The following TRAPPC10 variants were observed in gnomAD, a reference collection of about 807,000 sequenced individuals.
TRAPPC10 encodes the protein trafficking protein particle complex subunit 10.
In TRAPPC10, 23 loss-of-function variants were observed where a neutral mutation model predicts 125.5. That is an observed-to-expected ratio of 0.18 (90% CI 0.13 to 0.26). The LOEUF (loss-of-function observed/expected upper bound fraction) is 0.26, where lower values mean the gene tolerates loss of function less well. TRAPPC10 is among the 10% of genes least tolerant of loss of function. The probability of loss-of-function intolerance (pLI) is 1.00; values close to 1 mark genes in which losing one functional copy is unlikely to be tolerated. For missense variants in TRAPPC10, 1,123 were observed against 1,308.4 expected (o/e 0.86, Z 2.19); for synonymous variants, 509 against 518.0 (o/e 0.98, Z 0.24).
intron 10 of TRAPPC10, among the ~76,000 whole-genome samples, chr21:44,077,445 C>T (rs940947921): frequency 3.9e-5 from 6 of 152,054 alleles, no homozygotes; most frequent in Non-Finnish European, 8.8e-5. Flanking sequence ...AAAAATTAGC[C>T]GGGCCTGGTG....
At chr21:44,029,116 A>T (rs550455727) in intron 1 of TRAPPC10, among the ~76,000 whole-genome samples, 1 of 152,144 alleles carries the variant, frequency 6.6e-6, no homozygotes, top group South Asian at 2.1e-4. Flanking sequence ...TTTTTTTGAG[A>T]CGGAGTCTCG....
chr21:44,025,132 C>T (rs1045899576), intron 1 of TRAPPC10, among the ~76,000 whole-genome samples: 1 of 152,184 alleles, frequency 6.6e-6, no homozygotes, highest in South Asian at 2.1e-4. Context: ...GCCTTTCCGA[C>T]GGGCCTGTTG....
intron 20 of TRAPPC10, among the ~76,000 whole-genome samples, chr21:44,095,233 A>AT (rs555053162): frequency 2.0e-5 from 3 of 146,884 alleles, no homozygotes; most frequent in South Asian, 4.2e-4. Context: ...ATTTTATTTT[A>AT]TTTATTTATT....
chr21:44,083,120 G>C lies in TRAPPC10; in HGVS notation c.2056G>C (p.Asp686His). The C allele has an allele frequency of 1.2e-6, 2 of 1,614,184 alleles. No homozygotes were observed. Among genetic ancestry groups the C allele is most frequent in the Non-Finnish European group, 1.7e-6 (2 of 1,180,042 alleles). The change falls in exon 14 of 23, where the codon GAT (aspartate) becomes CAT (histidine). Residue 686 changes from aspartate to histidine, a missense_variant. By Grantham distance (81) the Asp-to-His change is moderately conservative. Transcript: ENST00000291574. Reference protein sequence around the residue: ...LYEMFERSPSDNSLNTTGIIC... With the variant: ...LYEMFERSPSHNSLNTTGIIC... ...TGAAATGTTTGAGAGAAGCCCATCTGATAACTCCTTGAACACGACTGGGAT... is the reference window on the plus strand; with the variant it reads ...TGAAATGTTTGAGAGAAGCCCATCTCATAACTCCTTGAACACGACTGGGAT...
chr21:44,028,858 T>A (rs1184463574), intron 1 of TRAPPC10, among the ~76,000 whole-genome samples: 1 of 152,106 alleles, frequency 6.6e-6, no homozygotes. Flanking sequence ...AACAAGCGAG[T>A]TCCTGCTGGG....
At chr21:44,089,427 C>T in intron 17 of TRAPPC10, 1 of 407,552 alleles carries the variant, frequency 2.5e-6, no homozygotes, top group South Asian at 1.7e-5. Flanking sequence ...GGAGTAGTTA[C>T]TGATTGGCTA....
chr21:44,048,935 ATAAT>A (rs1159064687), intron 3 of TRAPPC10, among the ~76,000 whole-genome samples: 1 of 151,900 alleles, frequency 6.6e-6, no homozygotes, highest in Non-Finnish European at 1.5e-5. Flanking sequence ...CATAGTATTA[ATAAT>A]TAATATCATT....
chr21:44,015,217 T>C (rs2031681861), intron 1 of TRAPPC10, among the ~76,000 whole-genome samples: 1 of 152,234 alleles, frequency 6.6e-6, no homozygotes, highest in Non-Finnish European at 1.5e-5. Context: ...GAATTTTTTT[T>C]CCATAGAATG....
chr21:44,084,044 C>G, intron 14 of TRAPPC10, 78 bp from the exon 15 acceptor site: 1 of 1,559,848 alleles, frequency 6.4e-7, no homozygotes, highest in Non-Finnish European at 8.7e-7. Flanking sequence ...TCAGAGAGAC[C>G]GCTGCACCGC....
intron 1 of TRAPPC10, among the ~76,000 whole-genome samples, chr21:44,022,276 ATTTTTTTT>A (rs58767563): frequency 6.4e-4 from 54 of 83,800 alleles, no homozygotes; most frequent in African/African-American, 1.5e-3. Context: ...GCCTGGCTAA[ATTTTTTTT>A]TTTTTTTTTT....
At chr21:44,042,971 C>T (rs1601630619) in intron 3 of TRAPPC10, among the ~76,000 whole-genome samples, 1 of 152,052 alleles carries the variant, frequency 6.6e-6, no homozygotes, top group African/African-American at 2.4e-5. Context: ...TATTGGGACC[C>T]GTATAGCTTC....
intron 2 of TRAPPC10, 146 bp downstream of exon 2, chr21:44,032,318 A>G (rs1267110096): frequency 1.7e-6 from 1 of 576,606 alleles, no homozygotes; most frequent in East Asian, 3.2e-5. Context: ...AAGAAACAGA[A>G]TGACCTCACA....
intron 18 of TRAPPC10, 41 bp downstream of exon 18, chr21:44,089,974 A>G: frequency 6.7e-7 from 1 of 1,498,802 alleles, no homozygotes. Flanking sequence ...TTCTTTCCCC[A>G]GACTCTTCTA....
intron 1 of TRAPPC10, among the ~76,000 whole-genome samples, chr21:44,020,954 G>T (rs909395400): frequency 6.6e-6 from 1 of 152,174 alleles, no homozygotes; most frequent in African/African-American, 2.4e-5. Flanking sequence ...CTTAGGGAAG[G>T]CAGACACCAT....
intron 2 of TRAPPC10, 60 bp from the exon 3 acceptor site, chr21:44,037,732 C>T: frequency 1.3e-6 from 2 of 1,564,412 alleles, no homozygotes; most frequent in East Asian, 2.2e-5. Context: ...GTTCTATTTC[C>T]CCTCTTCTGA....
chr21:44,049,989 C>T (rs996553628), intron 3 of TRAPPC10, among the ~76,000 whole-genome samples: 2 of 151,990 alleles, frequency 1.3e-5, no homozygotes, highest in African/African-American at 2.4e-5. Flanking sequence ...ATACAATTCT[C>T]CTGCCTCAGC....
intron 7 of TRAPPC10, among the ~76,000 whole-genome samples, chr21:44,064,549 G>A (rs1419335562): frequency 6.6e-6 from 1 of 152,114 alleles, no homozygotes; most frequent in African/African-American, 2.4e-5. Flanking sequence ...GAGGATTTGT[G>A]TACATCCCTG....
intron 6 of TRAPPC10, among the ~76,000 whole-genome samples, chr21:44,061,303 A>AT (rs1306732874): frequency 1.3e-5 from 2 of 150,874 alleles, no homozygotes; most frequent in Middle Eastern, 3.4e-3. Flanking sequence ...AGCCCGGCTA[A>AT]TTTTTTTTTG....
At chr21:44,048,652 C>T (rs2035021323) in intron 3 of TRAPPC10, among the ~76,000 whole-genome samples, 1 of 152,006 alleles carries the variant, frequency 6.6e-6, no homozygotes, top group Admixed American at 6.6e-5. Flanking sequence ...CGCTACCATG[C>T]CCAGCTAATT....
Sources: gnomAD v4.1 joint callset for allele counts (sites outside exome capture counted in the v4.1 genomes callset) on GRCh38, gnomAD v4.1.1 for gene constraint, MANE v1.5 for transcripts, NCBI Gene and HGNC (gene_info 2026-07-23, HGNC 2026-07-21) for gene names.